The following DOCK3 variants were observed in gnomAD, a reference collection of about 807,000 sequenced individuals.
DOCK3 encodes dedicator of cytokinesis 3, also known as dedicator of cytokinesis protein 3.
A neutral mutation model predicts 265.6 loss-of-function variants in DOCK3; 60 were observed. That is an observed-to-expected ratio of 0.23 (90% confidence interval 0.18 to 0.28). DOCK3 has a LOEUF of 0.28. Ranked by LOEUF, DOCK3 falls within the 10% of genes least tolerant of loss-of-function variation. The probability of loss-of-function intolerance (pLI) is 1.00; values close to 1 mark genes in which losing one functional copy is unlikely to be tolerated. For missense variants in DOCK3, 1,981 were observed against 2,594.3 expected (o/e 0.76, Z 5.14); for synonymous variants, 881 against 938.0 (o/e 0.94, Z 1.11).
At chr3:50,688,899 G>A (rs1411966056) in intron 1 of DOCK3, among the ~76,000 whole-genome samples, 1 of 152,000 alleles carries the variant, frequency 6.6e-6, no homozygotes, top group Non-Finnish European at 1.5e-5. Context: ...TACTCATTTT[G>A]CCTAGAGCTA....
rs138267583 is a variant in DOCK3 at position 50,839,367 on chromosome 3, C to T, written c.122-2308C>T. On this transcript the variant is annotated intron_variant, in intron 2 of 52. Transcript: ENST00000266037. Reference sequence around the variant, plus strand: ...GGGTAAATATAAGGAATGGATTACTCAATCGTATGGTAACAATATGTTTAG... The same window carrying T: ...GGGTAAATATAAGGAATGGATTACTTAATCGTATGGTAACAATATGTTTAG... 6.3e-3 allele frequency among the ~76,000 whole-genome samples: 957 copies of T among 152,230 alleles called. 3 individuals carry two copies. The highest frequency in any genetic ancestry group is 9.9e-3 in the Non-Finnish European group (671 of 68,012).
intron 5 of DOCK3, among the ~76,000 whole-genome samples, chr3:51,014,908 T>C (rs2079091759): frequency 6.6e-6 from 1 of 152,140 alleles, no homozygotes; most frequent in African/African-American, 2.4e-5. Flanking sequence ...GTACTGTAAA[T>C]GGGATTATTT....
At chr3:51,159,385 C>A in intron 11 of DOCK3, 81 bp downstream of exon 11, 1 of 1,291,484 alleles carries the variant, frequency 7.7e-7, no homozygotes, top group Non-Finnish European at 1.1e-6. Flanking sequence ...GCTTTGTTTT[C>A]TCCCTAGATC....
intron 2 of DOCK3, among the ~76,000 whole-genome samples, chr3:50,820,060 A>C (rs2044316804): frequency 6.6e-6 from 1 of 152,200 alleles, no homozygotes; most frequent in Non-Finnish European, 1.5e-5. Flanking sequence ...GGAACTCCCC[A>C]CCCCTTTCCC....
chr3:50,933,280 C>T (rs927648357), intron 4 of DOCK3, among the ~76,000 whole-genome samples: 1 of 152,172 alleles, frequency 6.6e-6, no homozygotes, highest in African/African-American at 2.4e-5. Flanking sequence ...GTCTGATTCC[C>T]TATTCAGACC....
At chr3:51,227,197 C>A in intron 15 of DOCK3, 86 bp from the exon 16 acceptor site, 1 of 1,492,678 alleles carries the variant, frequency 6.7e-7, no homozygotes, top group Non-Finnish European at 9.1e-7. Flanking sequence ...GACCTTTAGA[C>A]AAGAGAAAGA....
At chr3:51,091,921 C>T (rs1166156295) in intron 9 of DOCK3, among the ~76,000 whole-genome samples, 1 of 152,052 alleles carries the variant, frequency 6.6e-6, no homozygotes, top group African/African-American at 2.4e-5. Flanking sequence ...AATTTTCTCC[C>T]CTACCCAAGG....
At chr3:50,956,097 A>G (rs2076722465) in intron 5 of DOCK3, among the ~76,000 whole-genome samples, 2 of 151,582 alleles carry the variant, frequency 1.3e-5, no homozygotes. Flanking sequence ...GTCAGCCACC[A>G]GCCACTGTTT....
In DOCK3 at chr3:51,357,988, G is replaced by C; in HGVS notation, c.4795G>C (p.Val1599Leu). The change falls in exon 46 of 53, where the codon GTT becomes CTT. Residue 1599 changes from valine to leucine, a missense_variant. Physicochemically the swap from Val to Leu is conservative, Grantham distance 32. Transcript: ENST00000266037. ...TCATGTCCTTGGAGTTGGGCTAGCA[G>C]TTCATGAGAAGTTTGTGCACCCAGA... is the stretch of plus-strand genomic sequence containing the variant. ...QVHVLGVGLAVHEKFVHPEMR... is the reference protein window; with the variant it reads ...QVHVLGVGLALHEKFVHPEMR... 1 of 1,614,018 alleles carries C rather than the reference G, an allele frequency of 6.2e-7. No homozygotes were observed. The highest frequency in any genetic ancestry group is 8.5e-7 in the Non-Finnish European group (1 of 1,179,886).
intron 2 of DOCK3, among the ~76,000 whole-genome samples, chr3:50,820,643 G>A (rs547676935): frequency 8.3e-4 from 126 of 152,210 alleles, no homozygotes; most frequent in African/African-American, 2.4e-3. Flanking sequence ...ATGCAAGTAC[G>A]TGTGTCTTTT....
intron 4 of DOCK3, among the ~76,000 whole-genome samples, chr3:50,930,524 TCC>T (rs2051003181): frequency 6.6e-6 from 1 of 152,118 alleles, no homozygotes; most frequent in African/African-American, 2.4e-5. Context: ...CCCGCTGCAC[TCC>T]CTCACAGCCT....
chr3:50,981,221 A>G (rs1209049029), intron 5 of DOCK3, among the ~76,000 whole-genome samples: 2 of 152,200 alleles, frequency 1.3e-5, no homozygotes, highest in African/African-American at 2.4e-5. Flanking sequence ...ATTCAAGAGC[A>G]TGTTTAATTT....
chr3:51,306,948 T>A (rs2082720206), intron 27 of DOCK3, among the ~76,000 whole-genome samples: 1 of 152,222 alleles, frequency 6.6e-6, no homozygotes, highest in Non-Finnish European at 1.5e-5. Context: ...CATACTTTCC[T>A]ATTTTTTTAT....
chr3:51,360,942 A>G (rs2086693364), intron 47 of DOCK3, among the ~76,000 whole-genome samples: 1 of 152,198 alleles, frequency 6.6e-6, no homozygotes, highest in South Asian at 2.1e-4. Flanking sequence ...CGACTGACAC[A>G]TGCAGAAGCC....
intron 19 of DOCK3, 70 bp downstream of exon 19, chr3:51,229,679 G>A: frequency 8.2e-7 from 1 of 1,222,590 alleles, no homozygotes; most frequent in Non-Finnish European, 1.1e-6. Flanking sequence ...ACTTTGTCAT[G>A]ATTTTTGCCA....
chr3:50,870,777 TTTTG>T (rs1444379973), intron 3 of DOCK3, among the ~76,000 whole-genome samples: 3 of 152,098 alleles, frequency 2.0e-5, no homozygotes, highest in African/African-American at 7.2e-5. Context: ...CTCATGTATT[TTTTG>T]TTGTTTGTGA....
At chr3:50,926,609 G>T (rs541285063) in intron 4 of DOCK3, among the ~76,000 whole-genome samples, 25 of 152,282 alleles carry the variant, frequency 1.6e-4, no homozygotes, top group African/African-American at 5.1e-4. Flanking sequence ...ATGAAAGTGG[G>T]ACTTGAAAGG....
intron 32 of DOCK3, among the ~76,000 whole-genome samples, chr3:51,320,463 C>T (rs2083640738): frequency 6.6e-6 from 1 of 151,916 alleles, no homozygotes; most frequent in African/African-American, 2.4e-5. Flanking sequence ...ACCTGGAACG[C>T]CAGTGAGACA....
At chr3:50,739,943 A>G (rs2038905720) in intron 1 of DOCK3, among the ~76,000 whole-genome samples, 1 of 152,076 alleles carries the variant, frequency 6.6e-6, no homozygotes, top group Non-Finnish European at 1.5e-5. Context: ...TTCATCTGTG[A>G]ATTCATCACT....
Sources: allele counts gnomAD v4.1 joint callset (sites outside exome capture counted in the v4.1 genomes callset), GRCh38; gene constraint gnomAD v4.1.1; transcripts MANE v1.5; gene names NCBI Gene and HGNC (gene_info 2026-07-23, HGNC 2026-07-21).